NSUN7: variants seen among roughly 807,000 people sequenced by gnomAD.
NSUN7 encodes the protein NOP2/Sun RNA methyltransferase family member 7.
NSUN7 carries 39 observed loss-of-function variants against 58.5 expected under a neutral mutation model. The ratio of observed to expected loss-of-function variants is 0.67; its 90% CI spans 0.52 to 0.87. The LOEUF (loss-of-function observed/expected upper bound fraction) is 0.87. Ranked by LOEUF, NSUN7 falls within the 40% of genes least tolerant of loss-of-function variation. The pLI is 0.00. For missense variants in NSUN7, 765 were observed against 844.1 expected (o/e 0.91, Z 1.16); for synonymous variants, 278 against 303.7 (o/e 0.92, Z 0.88).
rs542881514 is a variant in NSUN7 at position 40,752,610 on chromosome 4, C to T, written c.298+1619C>T. 2.3e-4 allele frequency among the ~76,000 whole-genome samples: 35 copies of T among 152,120 alleles called. No individual in the cohort carries two copies. In the South Asian group the frequency reaches 4.6e-3, roughly 20 times the overall value. On this transcript the variant is annotated intron_variant, in intron 2 of 11. Coordinates refer to ENST00000381782, the MANE Select transcript of NSUN7 (RefSeq NM_024677.6). ...TAATTTTTTGTATTTTTAGTAGAGA[C>T]GGGGTTTCACGGTGTTAGCCAGGAT...
chr4:40,799,078 T>TC (rs61269224), intron 10 of NSUN7, among the ~76,000 whole-genome samples, 174 bp downstream of exon 10: 2 of 129,182 alleles, frequency 1.5e-5, no homozygotes, highest in East Asian at 4.2e-4. Flanking sequence ...TTTTTCTTTT[T>TC]TTTTTTTTTT....
At chr4:40,781,237 G>A (rs928323447) in intron 7 of NSUN7, among the ~76,000 whole-genome samples, 1 of 151,882 alleles carries the variant, frequency 6.6e-6, no homozygotes, top group African/African-American at 2.4e-5. Flanking sequence ...TGTATTTTTA[G>A]TAAAGACATG....
intron 2 of NSUN7, among the ~76,000 whole-genome samples, chr4:40,755,185 G>T (rs1244197708): frequency 6.6e-5 from 10 of 152,098 alleles, no homozygotes; most frequent in Admixed American, 6.6e-4. Flanking sequence ...TTTCTCCCAG[G>T]TTCAAGTGAT....
chr4:40,765,112 T>C (rs1425938998), intron 4 of NSUN7, among the ~76,000 whole-genome samples: 1 of 141,056 alleles, frequency 7.1e-6, no homozygotes, highest in Non-Finnish European at 1.5e-5. Flanking sequence ...ATTTTGGCTT[T>C]TGTTGCCATT....
intron 9 of NSUN7, among the ~76,000 whole-genome samples, chr4:40,796,972 G>A (rs892062502): frequency 6.6e-6 from 1 of 152,044 alleles, no homozygotes; most frequent in Admixed American, 6.5e-5. Context: ...GTTCACTCCT[G>A]CCACTAAACT....
intron 4 of NSUN7, among the ~76,000 whole-genome samples, chr4:40,767,573 G>C (rs1292420979): frequency 1.3e-5 from 2 of 152,190 alleles, no homozygotes; most frequent in Non-Finnish European, 2.9e-5. Context: ...ACTTGGGGTG[G>C]AGAGTTCTGT....
chr4:40,787,946 TG>T (rs1383737957), intron 7 of NSUN7, among the ~76,000 whole-genome samples: 2 of 152,218 alleles, frequency 1.3e-5, no homozygotes, highest in Admixed American at 1.3e-4. Flanking sequence ...GCAATTCTCC[TG>T]CCTCACCCTC....
chr4:40,811,075 A>C lies in NSUN7; in HGVS notation c.*2136A>C, dbSNP rs1456138617. 1 of 152,154 alleles carries C rather than the reference A, an allele frequency of 6.6e-6. No homozygotes were observed. Among genetic ancestry groups the C allele is most frequent in the Non-Finnish European group, 1.5e-5 (1 of 68,044 alleles). 9.4% of individuals were successfully genotyped at this position (152,154 alleles called of 1,614,324 possible). A position where few individuals can be genotyped will look rare whatever the true frequency, so the allele number is the denominator to read the frequency against. On this transcript the variant is annotated 3_prime_UTR_variant, in exon 12 of 12. Transcript: ENST00000381782. Reference sequence around the variant, plus strand: ...GATCTCTACAGTAGCATGTGAAGTCACAATTTGTTGCCACTTACATTGATT... The same window carrying C: ...GATCTCTACAGTAGCATGTGAAGTCCCAATTTGTTGCCACTTACATTGATT...
intron 8 of NSUN7, among the ~76,000 whole-genome samples, chr4:40,791,052 G>A (rs193149730): frequency 1.8e-3 from 278 of 152,082 alleles, no homozygotes; most frequent in Non-Finnish European, 2.7e-3. Context: ...AAAATTTACC[G>A]GCATTCTATA....
intron 7 of NSUN7, among the ~76,000 whole-genome samples, chr4:40,780,054 G>A (rs751979322): frequency 6.6e-6 from 1 of 152,188 alleles, no homozygotes; most frequent in Non-Finnish European, 1.5e-5. Flanking sequence ...GGCAAGGCAG[G>A]AGGATCACCT....
In NSUN7 at chr4:40,774,348, CAGTT is replaced by C. The variant is rs757052763; in HGVS notation, c.575_578del (p.Val192GlyfsTer5). On this transcript the variant is annotated frameshift_variant, in exon 5 of 12. Coordinates refer to ENST00000381782, the MANE Select transcript of NSUN7 (RefSeq NM_024677.6). LOFTEE classifies it high-confidence loss of function. ...TCAATTTACCACATCCTTCCAGAAA[CAGTT>C]AGGAAACAGGAACTAAGGGCCTCCA... The C allele has an allele frequency of 8.1e-6, 13 of 1,613,836 alleles. No individual in the cohort carries two copies. Among genetic ancestry groups the C allele is most frequent in the African/African-American group, 6.7e-5 (5 of 74,922 alleles).
At chr4:40,760,352 C>A in intron 2 of NSUN7, 82 bp from the exon 3 acceptor site, 2 of 953,004 alleles carry the variant, frequency 2.1e-6, no homozygotes, top group Admixed American at 2.0e-5. Flanking sequence ...TATTTTATGG[C>A]ATTATTACAG....
chr4:40,786,036 G>T, intron 7 of NSUN7: 6 of 1,510,538 alleles, frequency 4.0e-6, no homozygotes, highest in Non-Finnish European at 5.3e-6. Flanking sequence ...TCTTATAGCT[G>T]GATCAGTTAC....
rs543373055 is a variant in NSUN7, at chr4:40,762,397, T to C, written c.488+1096T>C. Among the ~76,000 whole-genome samples the C allele has an allele frequency of 2.0e-5, 3 of 152,316 alleles. No individual in the cohort carries two copies. The East Asian group carries it at 5.8e-4, about 29-fold the overall frequency. ...TAATCTGATTGTTACTGTCAACAAT[T>C]GTCACTGTGATGTCTAATTTTTATA... On this transcript the variant is annotated intron_variant, in intron 4 of 11. Transcript: ENST00000381782.
At chr4:40,798,968 T>C (rs1195840123) in intron 10 of NSUN7, 64 bp downstream of exon 10, 3 of 797,962 alleles carry the variant, frequency 3.8e-6, no homozygotes, top group Non-Finnish European at 5.9e-6. Context: ...AAAAATATTA[T>C]TTTCTAAGTT....
At position 40,810,834 on chromosome 4, in the gene NSUN7, T is replaced by C. The variant is rs1369329748; in HGVS notation, c.*1895T>C. 6.6e-6 allele frequency: 1 copy of C among 152,210 alleles called. No homozygotes were observed. The highest frequency in any genetic ancestry group is 6.5e-5 in the Admixed American group (1 of 15,276). The allele number at this position is 152,210 out of a possible 1,614,324, so 9.4% of individuals were successfully genotyped here. A position where few individuals can be genotyped will look rare whatever the true frequency, so the allele number is the denominator to read the frequency against. Reference sequence around the variant, plus strand: ...CTATCTGGTTGGTTAGGGTAGTCCATGCCTCAAGGAAGGCGGTGCAGCTTA... The same window carrying C: ...CTATCTGGTTGGTTAGGGTAGTCCACGCCTCAAGGAAGGCGGTGCAGCTTA... On this transcript the variant is annotated 3_prime_UTR_variant, in exon 12 of 12. Transcript: ENST00000381782.
intron 10 of NSUN7, among the ~76,000 whole-genome samples, chr4:40,805,226 G>A (rs1743764020): frequency 2.0e-5 from 3 of 152,118 alleles, no homozygotes; most frequent in Admixed American, 2.0e-4. Flanking sequence ...GATATATCTG[G>A]CATGGCACAG....
At chr4:40,777,373 C>A (rs1466920796) in intron 7 of NSUN7, among the ~76,000 whole-genome samples, 1 of 151,898 alleles carries the variant, frequency 6.6e-6, no homozygotes, top group Non-Finnish European at 1.5e-5. Context: ...CCTCTTGTTG[C>A]CCAGGCGGGA....
intron 7 of NSUN7, among the ~76,000 whole-genome samples, chr4:40,786,948 T>C (rs1464879012): frequency 6.6e-6 from 1 of 152,020 alleles, no homozygotes; most frequent in Non-Finnish European, 1.5e-5. Flanking sequence ...GTACTACCAT[T>C]TGGGGAAGCC....
Sources: gnomAD v4.1 joint callset for allele counts (sites outside exome capture counted in the v4.1 genomes callset) on GRCh38, gnomAD v4.1.1 for gene constraint, MANE v1.5 for transcripts, NCBI Gene and HGNC (gene_info 2026-07-23, HGNC 2026-07-21) for gene names.